The following SNX18 variants were observed in gnomAD, a reference collection of about 807,000 sequenced individuals.
The protein encoded by SNX18 is sorting nexin 18, also known as sorting nexin-18.
Under a neutral mutation model 48.7 loss-of-function variants are expected in SNX18, and 35 were observed. The ratio of observed to expected loss-of-function variants is 0.72; its 90% CI spans 0.55 to 0.95. The LOEUF (loss-of-function observed/expected upper bound fraction) is 0.95, where lower values mean the gene tolerates loss of function less well. Among genes scored for constraint, SNX18 ranks in the 40% least tolerant of loss-of-function variants. The pLI, the probability that SNX18 is intolerant of heterozygous loss-of-function variation, is 0.00. For synonymous variants in SNX18, 492 were observed against 384.7 expected, an observed-to-expected ratio of 1.28 and a Z score of -3.26; for missense variants, 824 against 871.0, an observed-to-expected ratio of 0.95 and a Z score of 0.68.
Position 54,518,995 on chromosome 5 carries a change from T to A in SNX18, c.1043T>A (p.Phe348Tyr). Residue 348 changes from phenylalanine to tyrosine, a missense_variant, in exon 1 of 2, where the codon TTC becomes TAC. Physicochemically the swap from Phe to Tyr is conservative, Grantham distance 22 (BLOSUM62 3). Coordinates refer to ENST00000381410, the MANE Select transcript of SNX18 (RefSeq NM_001102575.2). Reference sequence around the variant, plus strand: ...GCCACCGGCCGCTTCGAGGAGGACTTCATCTCTAAGCGCAGGAAGGGCCTG... The same window carrying A: ...GCCACCGGCCGCTTCGAGGAGGACTACATCTCTAAGCGCAGGAAGGGCCTG... ...KQATGRFEED[F>Y]ISKRRKGLIW... 2 of 1,613,562 alleles carry A rather than the reference T, an allele frequency of 1.2e-6. No homozygotes were observed. The highest frequency in any genetic ancestry group is 1.7e-6 in the Non-Finnish European group (2 of 1,179,900).
chr5:54,615,617 T>A, the SNX18 span, among the ~76,000 whole-genome samples: 3 of 152,254 alleles, frequency 2.0e-5, no homozygotes, highest in Non-Finnish European at 4.4e-5. Context: ...GATTTTTAAA[T>A]GCTTCTGAAA....
the SNX18 span, among the ~76,000 whole-genome samples, chr5:54,629,207 C>T: frequency 3.6e-4 from 55 of 152,254 alleles, no homozygotes; most frequent in Non-Finnish European, 7.1e-4. Context: ...TGATATCTTG[C>T]ACCTCAGTGT....
downstream of SNX18, among the ~76,000 whole-genome samples, chr5:54,548,232 CA>C (rs1762604720): frequency 6.6e-6 from 1 of 152,138 alleles, no homozygotes; most frequent in Non-Finnish European, 1.5e-5. Flanking sequence ...AGAAGCATGC[CA>C]AAGGCAAGAC....
intron 1 of SNX18, among the ~76,000 whole-genome samples, chr5:54,524,768 G>A (rs1310157939): frequency 2.0e-5 from 3 of 152,238 alleles, no homozygotes; most frequent in African/African-American, 7.2e-5. Context: ...ATACAACACA[G>A]ACTAGAATCT....
the SNX18 span, among the ~76,000 whole-genome samples, chr5:54,617,003 C>T: frequency 1.3e-5 from 2 of 152,176 alleles, no homozygotes; most frequent in African/African-American, 4.8e-5. Flanking sequence ...GAGTCACAGA[C>T]TTAACTTTCT....
At chr5:54,624,886 C>T in the SNX18 span, among the ~76,000 whole-genome samples, 1 of 152,168 alleles carries the variant, frequency 6.6e-6, no homozygotes, top group South Asian at 2.1e-4. Context: ...GCTGTGCCAG[C>T]GTCCCCCAAA....
the SNX18 span, among the ~76,000 whole-genome samples, chr5:54,573,297 A>G: frequency 6.6e-6 from 1 of 152,016 alleles, no homozygotes; most frequent in Non-Finnish European, 1.5e-5. Flanking sequence ...CTGTCCTTTC[A>G]CTACTTTTCT....
intron 1 of SNX18, among the ~76,000 whole-genome samples, chr5:54,528,786 A>G (rs1762194639): frequency 6.6e-6 from 1 of 152,164 alleles, no homozygotes; most frequent in Admixed American, 6.5e-5. Flanking sequence ...AAGAGTTTTG[A>G]AAACAAGTGG....
intron 1 of SNX18, among the ~76,000 whole-genome samples, chr5:54,534,237 C>CTTT: frequency 7.0e-6 from 1 of 143,622 alleles, no homozygotes; most frequent in Admixed American, 6.9e-5. Flanking sequence ...TTTCTTTTTT[C>CTTT]TTTTTTTTTT....
chr5:54,540,476 C>T (rs1208133953), intron 1 of SNX18, among the ~76,000 whole-genome samples: 2 of 152,202 alleles, frequency 1.3e-5, no homozygotes, highest in African/African-American at 4.8e-5. Flanking sequence ...CTCAGCCTCC[C>T]AAATTGCCGG....
the SNX18 span, among the ~76,000 whole-genome samples, chr5:54,603,972 A>G: frequency 6.6e-6 from 1 of 152,198 alleles, no homozygotes; most frequent in Non-Finnish European, 1.5e-5. Context: ...AACACTAACA[A>G]TTACTGAAGA....
At chr5:54,602,704 T>A in the SNX18 span, among the ~76,000 whole-genome samples, 1 of 152,046 alleles carries the variant, frequency 6.6e-6, no homozygotes, top group Admixed American at 6.5e-5. Context: ...GCCAAGTGGG[T>A]GACTTGAGAA....
At chr5:54,525,122 A>G (rs929230324) in intron 1 of SNX18, among the ~76,000 whole-genome samples, 5 of 152,234 alleles carry the variant, frequency 3.3e-5, no homozygotes, top group Non-Finnish European at 5.9e-5. Context: ...TAACCTGCGT[A>G]ACGCTCACTT....
chr5:54,523,213 C>G (rs144245232), intron 1 of SNX18, among the ~76,000 whole-genome samples: 1 of 152,068 alleles, frequency 6.6e-6, no homozygotes, highest in Admixed American at 6.5e-5. Flanking sequence ...CCTTATCATG[C>G]CTGTCTGCAG....
At chr5:54,605,553 T>C in the SNX18 span, among the ~76,000 whole-genome samples, 1 of 152,210 alleles carries the variant, frequency 6.6e-6, no homozygotes, top group Admixed American at 6.5e-5. Flanking sequence ...ACAATGTTTT[T>C]TAAAAAGTTT....
At chr5:54,600,581 A>G in the SNX18 span, among the ~76,000 whole-genome samples, 1 of 152,226 alleles carries the variant, frequency 6.6e-6, no homozygotes, top group Non-Finnish European at 1.5e-5. Context: ...ATCAACCCAA[A>G]TGCCCATCAG....
At chr5:54,585,687 C>T in the SNX18 span, among the ~76,000 whole-genome samples, 1 of 152,168 alleles carries the variant, frequency 6.6e-6, no homozygotes, top group Admixed American at 6.5e-5. Flanking sequence ...TGATGAAGCG[C>T]CTTCCAACAG....
chr5:54,643,642 C>G, the SNX18 span: 2 of 152,218 alleles, frequency 1.3e-5, no homozygotes, highest in South Asian at 4.1e-4. Context: ...GTATCAATTC[C>G]TTGAGATGGG....
chr5:54,549,906 T>A (rs752879691), downstream of SNX18, among the ~76,000 whole-genome samples: 5 of 152,200 alleles, frequency 3.3e-5, no homozygotes, highest in Non-Finnish European at 7.3e-5. Context: ...AGACCAAGTT[T>A]GATTAGGCAA....
Sources: gnomAD v4.1 joint callset for allele counts (sites outside exome capture counted in the v4.1 genomes callset) on GRCh38, gnomAD v4.1.1 for gene constraint, MANE v1.5 for transcripts, NCBI Gene and HGNC (gene_info 2026-07-23, HGNC 2026-07-21) for gene names.